Variants in SEMA5A observed in about 807,000 individuals in gnomAD.
SEMA5A encodes the protein semaphorin 5A.
In SEMA5A, 55 loss-of-function variants were observed where a neutral mutation model predicts 135.5. The observed-to-expected ratio is 0.41, with a 90% CI of 0.33 to 0.51. SEMA5A has a LOEUF of 0.51. Ranked by LOEUF, SEMA5A falls within the 20% of genes least tolerant of loss-of-function variation. SEMA5A has a pLI of 0.37. For synonymous variants in SEMA5A, 580 were observed against 546.5 expected (o/e 1.06, Z -0.85); for missense variants, 1,290 against 1,419.9 (o/e 0.91, Z 1.47).
intron 5 of SEMA5A, among the ~76,000 whole-genome samples, chr5:9,262,896 TAAA>T (rs200691633): frequency 1.7e-4 from 19 of 114,970 alleles, no homozygotes; most frequent in African/African-American, 6.2e-4. Context: ...TAGATTATAA[TAAA>T]AAAAAAAAAT....
At chr5:9,285,351 T>C (rs924526942) in intron 5 of SEMA5A, among the ~76,000 whole-genome samples, 1 of 152,030 alleles carries the variant, frequency 6.6e-6, no homozygotes, top group Non-Finnish European at 1.5e-5. Flanking sequence ...CTGGAGAAAA[T>C]CTCAAGCTTC....
chr5:9,543,254 G>A (rs1738189828), intron 1 of SEMA5A, among the ~76,000 whole-genome samples: 1 of 152,098 alleles, frequency 6.6e-6, no homozygotes, highest in Admixed American at 6.5e-5. Context: ...CCATGGACGG[G>A]GCTTCAGAAG....
intron 18 of SEMA5A, among the ~76,000 whole-genome samples, chr5:9,054,814 G>A (rs943449459): frequency 1.3e-5 from 2 of 152,124 alleles, no homozygotes; most frequent in Admixed American, 6.5e-5. Context: ...AAGAATGCTC[G>A]GTAAATTCAG....
intron 5 of SEMA5A, among the ~76,000 whole-genome samples, chr5:9,255,720 G>T (rs1297835494): frequency 2.0e-5 from 3 of 151,992 alleles, no homozygotes; most frequent in Non-Finnish European, 4.4e-5. Context: ...CTTCCTCCTT[G>T]GGTAATATTA....
At chr5:9,267,407 C>T (rs1431230237) in intron 5 of SEMA5A, among the ~76,000 whole-genome samples, 1 of 152,182 alleles carries the variant, frequency 6.6e-6, no homozygotes, top group Non-Finnish European at 1.5e-5. Context: ...GTCCACTTTA[C>T]TTTAGGAAGT....
chr5:9,200,393 G>A (rs1449310618), intron 9 of SEMA5A, among the ~76,000 whole-genome samples: 2 of 152,144 alleles, frequency 1.3e-5, no homozygotes, highest in African/African-American at 4.8e-5. Context: ...CAGAGCCAGG[G>A]GAATGAAGAG....
At chr5:9,225,389 T>TAAAAAAA (rs34806769) in intron 7 of SEMA5A, among the ~76,000 whole-genome samples, 2 of 43,110 alleles carry the variant, frequency 4.6e-5, no homozygotes, top group South Asian at 1.6e-3. Context: ...CCATCTCTAC[T>TAAAAAAA]AAAAAAAAAA....
At chr5:9,416,165 A>G (rs892694476) in intron 2 of SEMA5A, among the ~76,000 whole-genome samples, 1 of 152,214 alleles carries the variant, frequency 6.6e-6, no homozygotes, top group African/African-American at 2.4e-5. Flanking sequence ...AAACCCTTCT[A>G]GATAAACTGA....
intron 5 of SEMA5A, among the ~76,000 whole-genome samples, chr5:9,312,457 C>G (rs1752185724): frequency 1.3e-5 from 2 of 150,998 alleles, no homozygotes. Context: ...GTTTTATTTT[C>G]TTAAATTAAA....
chr5:9,442,034 C>G (rs1758256898), intron 1 of SEMA5A, among the ~76,000 whole-genome samples: 1 of 152,166 alleles, frequency 6.6e-6, no homozygotes, highest in Non-Finnish European at 1.5e-5. Context: ...AAAAAGCCGC[C>G]ACCAGAGAAC....
intron 12 of SEMA5A, among the ~76,000 whole-genome samples, chr5:9,150,923 C>G (rs1742600484): frequency 1.3e-5 from 2 of 152,184 alleles, no homozygotes; most frequent in Admixed American, 1.3e-4. Flanking sequence ...CAGCTGAAAT[C>G]TGACCACTGA....
At chr5:9,473,168 C>G (rs1191699927) in intron 1 of SEMA5A, among the ~76,000 whole-genome samples, 1 of 138,428 alleles carries the variant, frequency 7.2e-6, no homozygotes, top group Non-Finnish European at 1.6e-5. Flanking sequence ...GGAACTAAGT[C>G]ATAAATATGC....
intron 16 of SEMA5A, among the ~76,000 whole-genome samples, chr5:9,080,023 T>A (rs887495345): frequency 3.3e-5 from 5 of 152,170 alleles, no homozygotes; most frequent in South Asian, 4.1e-4. Flanking sequence ...GAAATACCTT[T>A]TGACCCAGAA....
At chr5:9,044,207 C>A (rs1382023027) in intron 22 of SEMA5A, among the ~76,000 whole-genome samples, 166 bp downstream of exon 22, 1 of 152,136 alleles carries the variant, frequency 6.6e-6, no homozygotes, top group Non-Finnish European at 1.5e-5. Context: ...GACATAAGTT[C>A]TCCCAGCCAC....
chr5:9,105,174 C>T (rs1013184044), intron 16 of SEMA5A, among the ~76,000 whole-genome samples: 5 of 152,190 alleles, frequency 3.3e-5, no homozygotes, highest in African/African-American at 1.2e-4. Flanking sequence ...AAGCTTTTGA[C>T]ATTGAGCAAT....
intron 10 of SEMA5A, among the ~76,000 whole-genome samples, chr5:9,191,072 C>T (rs1202024715): frequency 6.6e-6 from 1 of 151,422 alleles, no homozygotes; most frequent in African/African-American, 2.4e-5. Flanking sequence ...TGTTTAGAGT[C>T]CAGGAATATG....
chr5:9,507,235 A>G (rs984234937), intron 1 of SEMA5A, among the ~76,000 whole-genome samples: 4 of 152,134 alleles, frequency 2.6e-5, no homozygotes, highest in Non-Finnish European at 5.9e-5. Context: ...GTGTATCTCC[A>G]TTATCTTCAA....
chr5:9,090,733 C>A (rs550316736), intron 16 of SEMA5A, among the ~76,000 whole-genome samples: 34 of 152,268 alleles, frequency 2.2e-4, no homozygotes, highest in Admixed American at 1.0e-3. Context: ...CACCTGCAAC[C>A]GGGGAGTTTG....
intron 5 of SEMA5A, among the ~76,000 whole-genome samples, chr5:9,254,035 C>T (rs927329960): frequency 3.9e-5 from 6 of 152,092 alleles, no homozygotes; most frequent in African/African-American, 1.4e-4. Flanking sequence ...GAAATAGAAA[C>T]ATTATCAACT....
Sources: gnomAD v4.1 joint callset for allele counts (sites outside exome capture counted in the v4.1 genomes callset) on GRCh38, gnomAD v4.1.1 for gene constraint, MANE v1.5 for transcripts, NCBI Gene and HGNC (gene_info 2026-07-23, HGNC 2026-07-21) for gene names.